The following OR1F1 variants were observed in gnomAD, a reference collection of about 807,000 sequenced individuals.
OR1F1 encodes olfactory receptor 1F1.
For missense variants in OR1F1, 493 were observed against 376.3 expected (o/e 1.31, Z -2.57); for synonymous variants, 184 against 156.7 (o/e 1.17, Z -1.30).
chr16:3,202,114 C>T (rs1267960238), upstream of OR1F1, among the ~76,000 whole-genome samples: 1 of 152,180 alleles, frequency 6.6e-6, no homozygotes, highest in African/African-American at 2.4e-5. Flanking sequence ...CTAGGCCTCA[C>T]TTTGGGGCTC....
At chr16:3,194,536 C>T in the OR1F1 span, among the ~76,000 whole-genome samples, 1 of 151,034 alleles carries the variant, frequency 6.6e-6, no homozygotes, top group Admixed American at 6.6e-5. Flanking sequence ...ATATCCCCCA[C>T]GGGAGAGATG....
At chr16:3,195,055 G>A in the OR1F1 span, among the ~76,000 whole-genome samples, 3 of 152,178 alleles carry the variant, frequency 2.0e-5, no homozygotes, top group Admixed American at 1.3e-4. Context: ...GTGGCGGAAG[G>A]CCCCGTGTCC....
At chr16:3,200,026 AAAG>A (rs577674136), upstream of OR1F1, among the ~76,000 whole-genome samples, 165 of 152,202 alleles carry the variant, frequency 1.1e-3, 1 homozygote, top group Admixed American at 5.8e-3. Flanking sequence ...CAAAAAAAAA[AAAG>A]AAGAAGAACA....
At chr16:3,196,793 C>G in the OR1F1 span, among the ~76,000 whole-genome samples, 1 of 150,432 alleles carries the variant, frequency 6.6e-6, no homozygotes, top group East Asian at 2.0e-4. Context: ...TGGGTTCAAG[C>G]AAGTCTCCAG....
At chr16:3,192,854 C>T in the OR1F1 span, among the ~76,000 whole-genome samples, 1 of 152,098 alleles carries the variant, frequency 6.6e-6, no homozygotes, top group African/African-American at 2.4e-5. Flanking sequence ...TTTTGGCGGT[C>T]CGGTGGGGTG....
upstream of OR1F1, among the ~76,000 whole-genome samples, chr16:3,201,209 TTATC>T (rs1213576264): frequency 6.6e-6 from 1 of 152,266 alleles, no homozygotes; most frequent in Non-Finnish European, 1.5e-5. Flanking sequence ...CACATTTTGT[TTATC>T]TATTCATCTG....
chr16:3,206,049 T>G (rs1475386819), downstream of OR1F1, among the ~76,000 whole-genome samples: 7 of 152,164 alleles, frequency 4.6e-5, no homozygotes, highest in Non-Finnish European at 8.8e-5. Context: ...ATCACTGAAT[T>G]CTTTTCCTAG....
At chr16:3,191,517 C>T in the OR1F1 span, among the ~76,000 whole-genome samples, 92 of 152,288 alleles carry the variant, frequency 6.0e-4, no homozygotes, top group African/African-American at 2.1e-3. Context: ...CTAGCTCAGT[C>T]GGTAGAGCAT....
the OR1F1 span, among the ~76,000 whole-genome samples, chr16:3,190,980 A>G: frequency 6.6e-6 from 1 of 152,200 alleles, no homozygotes; most frequent in Non-Finnish European, 1.5e-5. Flanking sequence ...AGTTCTAGAT[A>G]TAAAAGCACA....
chr16:3,193,540 C>T, the OR1F1 span, among the ~76,000 whole-genome samples: 1 of 152,344 alleles, frequency 6.6e-6, no homozygotes, highest in Non-Finnish European at 1.5e-5. Context: ...AGTTTTCTCT[C>T]GTTCACTATG....
upstream of OR1F1, among the ~76,000 whole-genome samples, chr16:3,199,759 A>C (rs1004439138): frequency 6.6e-6 from 1 of 152,132 alleles, no homozygotes; most frequent in Non-Finnish European, 1.5e-5. Context: ...CACACTTGTA[A>C]TCTCTCAGCA....
At chr16:3,198,490 A>G in the OR1F1 span, among the ~76,000 whole-genome samples, 3 of 152,118 alleles carry the variant, frequency 2.0e-5, no homozygotes, top group Non-Finnish European at 4.4e-5. Flanking sequence ...GTTTTAGGGG[A>G]ATCAACACAG....
At chr16:3,196,685 G>T in the OR1F1 span, among the ~76,000 whole-genome samples, 1 of 150,866 alleles carries the variant, frequency 6.6e-6, no homozygotes, top group Non-Finnish European at 1.5e-5. Flanking sequence ...ACCACGACTG[G>T]CGGTGAAATT....
At chr16:3,198,184 T>G in the OR1F1 span, among the ~76,000 whole-genome samples, 5 of 148,244 alleles carry the variant, frequency 3.4e-5, no homozygotes, top group Middle Eastern at 3.6e-3. Flanking sequence ...AGAGAGAGAT[T>G]ATAAGGAATT....
chr16:3,198,287 C>A, the OR1F1 span, among the ~76,000 whole-genome samples: 1 of 152,030 alleles, frequency 6.6e-6, no homozygotes, highest in Non-Finnish European at 1.5e-5. Context: ...GGTTCTAATC[C>A]GGAGGCTAGC....
downstream of OR1F1, among the ~76,000 whole-genome samples, chr16:3,205,568 A>T (rs1469055928): frequency 1.3e-5 from 2 of 151,802 alleles, no homozygotes; most frequent in African/African-American, 4.8e-5. Context: ...GAACAGAGGG[A>T]CCAGCTGGAG....
upstream of OR1F1, among the ~76,000 whole-genome samples, chr16:3,203,648 C>A (rs1484437980): frequency 6.6e-6 from 1 of 152,190 alleles, no homozygotes; most frequent in Non-Finnish European, 1.5e-5. Flanking sequence ...CCTATAATCC[C>A]AGCTACTTGG....
upstream of OR1F1, among the ~76,000 whole-genome samples, chr16:3,200,100 G>T (rs1264809875): frequency 1.3e-5 from 2 of 152,108 alleles, no homozygotes. Flanking sequence ...CAGGCCGCTT[G>T]TAAGAATGAG....
At chr16:3,203,123 G>A (rs1374308284), upstream of OR1F1, among the ~76,000 whole-genome samples, 4 of 152,170 alleles carry the variant, frequency 2.6e-5, no homozygotes, top group East Asian at 5.8e-4. Context: ...CAAGTGCTGA[G>A]GCAGGAATTA....
Sources: allele counts gnomAD v4.1 joint callset (sites outside exome capture counted in the v4.1 genomes callset), GRCh38; gene constraint gnomAD v4.1.1; transcripts MANE v1.5; gene names NCBI Gene and HGNC (gene_info 2026-07-23, HGNC 2026-07-21).